The following SOBP variants were observed in gnomAD, a reference collection of about 807,000 sequenced individuals.
SOBP encodes sine oculis binding protein homolog, also known as sine oculis-binding protein homolog.
Under a neutral mutation model 53.6 loss-of-function variants are expected in SOBP, and 4 were observed. The observed-to-expected ratio is 0.07, with a 90% confidence interval of 0.04 to 0.17. SOBP has a LOEUF of 0.17. Ranked by LOEUF, SOBP falls within the 10% of genes least tolerant of loss-of-function variation. The probability of loss-of-function intolerance (pLI) is 1.00; values close to 1 mark genes in which losing one functional copy is unlikely to be tolerated. For missense variants in SOBP, 1,088 were observed against 1,204.7 expected (o/e 0.90, Z 1.43); for synonymous variants, 584 against 522.6 (o/e 1.12, Z -1.60).
Position 107,596,008 on chromosome 6 carries a change from G to A in SOBP, c.669+8833G>A, listed in dbSNP as rs1214563024. ...CCTACACTTTTGGTCTCTTCCTGGAGAGCTACATGCTACCAGGAACTGAGA... is the reference window on the plus strand; with the variant it reads ...CCTACACTTTTGGTCTCTTCCTGGAAAGCTACATGCTACCAGGAACTGAGA... On this transcript the variant is annotated intron_variant, in intron 5 of 6. Coordinates refer to ENST00000317357, the MANE Select transcript of SOBP (RefSeq NM_018013.4). Among the ~76,000 whole-genome samples the A allele has an allele frequency of 3.3e-5, 5 of 152,258 alleles. No homozygotes were observed. The East Asian group carries it at 9.6e-4, about 29-fold the overall frequency.
intron 4 of SOBP, among the ~76,000 whole-genome samples, chr6:107,536,943 C>T (rs1276456342): frequency 6.6e-6 from 1 of 152,142 alleles, no homozygotes; most frequent in East Asian, 1.9e-4. Flanking sequence ...CTTATGTAGT[C>T]TGTGGGCATT....
At chr6:107,511,973 G>A (rs190940567) in intron 3 of SOBP, among the ~76,000 whole-genome samples, 80 of 151,670 alleles carry the variant, frequency 5.3e-4, no homozygotes, top group Admixed American at 2.2e-3. Flanking sequence ...ATGCAGTGAA[G>A]GGAATCACCA....
chr6:107,565,555 A>G (rs1006555063), intron 4 of SOBP, among the ~76,000 whole-genome samples: 1 of 152,044 alleles, frequency 6.6e-6, no homozygotes, highest in African/African-American at 2.4e-5. Flanking sequence ...AAGCTGACCC[A>G]CTTCCCATAT....
rs557922439 is a variant in SOBP, at chr6:107,548,866, G to A, written c.573+15256G>A. Among the ~76,000 whole-genome samples the A allele has an allele frequency of 2.0e-5, 3 of 152,292 alleles. No individual in the cohort carries two copies. In the East Asian group the frequency reaches 5.8e-4, roughly 29 times the overall value. On this transcript the variant is annotated intron_variant, in intron 4 of 6. Coordinates refer to ENST00000317357, the MANE Select transcript of SOBP (RefSeq NM_018013.4). ...GGTAGGAGAATTGTTTGAGCCAGGA[G>A]TTTGAGGTTGCAGTGAGCTGTGATT... is the stretch of plus-strand genomic sequence containing the variant.
At chr6:107,614,174 G>A (rs774008017) in intron 5 of SOBP, among the ~76,000 whole-genome samples, 2 of 152,160 alleles carry the variant, frequency 1.3e-5, no homozygotes, top group South Asian at 2.1e-4. Flanking sequence ...GGCTGAGGCG[G>A]GAGGATCACT....
chr6:107,627,451 A>T (rs928272265), intron 5 of SOBP, among the ~76,000 whole-genome samples: 17 of 152,190 alleles, frequency 1.1e-4, no homozygotes, highest in African/African-American at 4.1e-4. Context: ...GATTTCTAGA[A>T]CCCAGCTTAA....
chr6:107,507,716 G>A (rs1783038999), intron 3 of SOBP, among the ~76,000 whole-genome samples: 1 of 152,050 alleles, frequency 6.6e-6, no homozygotes, highest in African/African-American at 2.4e-5. Context: ...CCCAAAGGTT[G>A]GACACCCCTG....
intron 5 of SOBP, among the ~76,000 whole-genome samples, chr6:107,599,687 A>C (rs953837745): frequency 1.3e-5 from 2 of 151,078 alleles, no homozygotes; most frequent in African/African-American, 4.9e-5. Context: ...TAATTACCTG[A>C]CCATTTAAAA....
At chr6:107,567,154 A>G (rs1463841128) in intron 4 of SOBP, among the ~76,000 whole-genome samples, 1 of 152,178 alleles carries the variant, frequency 6.6e-6, no homozygotes, top group Non-Finnish European at 1.5e-5. Context: ...TTTCTTATTT[A>G]TATAGTAAAG....
chr6:107,651,270 C>T (rs1771790590), intron 6 of SOBP, among the ~76,000 whole-genome samples: 1 of 152,020 alleles, frequency 6.6e-6, no homozygotes, highest in Non-Finnish European at 1.5e-5. Context: ...CTCTAAATAA[C>T]AAATAAATAA....
At chr6:107,587,532 T>A (rs1785604820) in intron 5 of SOBP, among the ~76,000 whole-genome samples, 1 of 152,202 alleles carries the variant, frequency 6.6e-6, no homozygotes, top group African/African-American at 2.4e-5. Context: ...TCCTACGTCC[T>A]CATTGTACAC....
In SOBP at chr6:107,635,691, C is replaced by T. The variant is rs965335765; in HGVS notation, c.*3+222C>T. 3.9e-5 allele frequency among the ~76,000 whole-genome samples: 6 copies of T among 152,194 alleles called. No homozygotes were observed. The highest frequency in any genetic ancestry group is 1.2e-4 in the African/African-American group (5 of 41,448). On this transcript the variant is annotated intron_variant, in intron 6 of 6. Coordinates refer to ENST00000317357, the MANE Select transcript of SOBP (RefSeq NM_018013.4). The surrounding 1 kb of genome is among the most constrained non-coding windows in gnomAD (Gnocchi z 4.5). Reference sequence around the variant, plus strand: ...TACAGCCGAGGAAACTGAGCCACAGCATGTGAGTGCCAAGCCCCGGGTCAC... The same window carrying T: ...TACAGCCGAGGAAACTGAGCCACAGTATGTGAGTGCCAAGCCCCGGGTCAC...
intron 4 of SOBP, among the ~76,000 whole-genome samples, chr6:107,535,915 T>C (rs983500193): frequency 6.6e-6 from 1 of 152,282 alleles, no homozygotes; most frequent in South Asian, 2.1e-4. Context: ...CAATAGCAAA[T>C]AGCTACTTCT....
chr6:107,496,946 A>C (rs1426534689), intron 1 of SOBP, among the ~76,000 whole-genome samples: 1 of 152,252 alleles, frequency 6.6e-6, no homozygotes, highest in Non-Finnish European at 1.5e-5. Context: ...TGTGTTAAGA[A>C]AGACAGCTCA....
At chr6:107,604,240 C>T (rs1786285891) in intron 5 of SOBP, among the ~76,000 whole-genome samples, 2 of 152,154 alleles carry the variant, frequency 1.3e-5, no homozygotes, top group African/African-American at 4.8e-5. Context: ...AACAGGTTCA[C>T]AAATATATAA....
chr6:107,510,842 A>C (rs1783149311), intron 3 of SOBP: 1 of 152,236 alleles, frequency 6.6e-6, no homozygotes, highest in African/African-American at 2.4e-5. Flanking sequence ...TGAATAATTT[A>C]GAGTTGACTG....
At position 107,533,508 on chromosome 6, in the gene SOBP, G is replaced by A; in HGVS notation, c.471G>A (p.Val157=). The change falls in exon 4 of 7, where the codon GTG becomes GTA. Residue 157 remains valine (V), a synonymous_variant. Coordinates refer to ENST00000317357, the MANE Select transcript of SOBP (RefSeq NM_018013.4). ...TAATGTGTGCCTGGTGCCAGAAAGT[G>A]GGAATCAAGCGCTATTCCCTGAGTA... ...VQIMCAWCQK[V]GIKRYSLSMG... 1 of 1,614,090 alleles carries A rather than the reference G, an allele frequency of 6.2e-7. No individual in the cohort carries two copies. The highest frequency in any genetic ancestry group is 8.5e-7 in the Non-Finnish European group (1 of 1,180,010).
intron 5 of SOBP, among the ~76,000 whole-genome samples, chr6:107,595,069 T>C (rs1009168120): frequency 2.0e-5 from 3 of 152,224 alleles, no homozygotes; most frequent in African/African-American, 7.2e-5. Context: ...AATGACTCTT[T>C]CTAGTTTCTT....
intron 6 of SOBP, among the ~76,000 whole-genome samples, chr6:107,642,859 A>G (rs1329899100): frequency 3.9e-5 from 6 of 152,244 alleles, no homozygotes; most frequent in Non-Finnish European, 7.3e-5. Flanking sequence ...TTGACCTAAC[A>G]TCCAAAAAAA....
Sources: gnomAD v4.1 joint callset for allele counts (sites outside exome capture counted in the v4.1 genomes callset) on GRCh38, gnomAD v4.1.1 for gene constraint, Gnocchi (gnomAD v3.1) non-coding constraint, MANE v1.5 for transcripts, NCBI Gene and HGNC (gene_info 2026-07-23, HGNC 2026-07-21) for gene names.